FSIP2: variants seen among roughly 807,000 people sequenced by gnomAD.
The protein encoded by FSIP2 is fibrous sheath interacting protein 2.
Under a neutral mutation model 510.5 loss-of-function variants are expected in FSIP2, and 367 were observed. That is an observed-to-expected ratio of 0.72 (90% confidence interval 0.66 to 0.78). FSIP2 has a LOEUF of 0.78. FSIP2 is among the 30% of genes least tolerant of loss of function. The probability of loss-of-function intolerance (pLI) is 0.00; values close to 1 mark genes in which losing one functional copy is unlikely to be tolerated. For synonymous variants in FSIP2, 2,601 were observed against 2,732.2 expected (o/e 0.95, Z 1.50); for missense variants, 7,594 against 7,901.7 (o/e 0.96, Z 1.48).
chr2:185,755,400 C>A (rs921524127), intron 8 of FSIP2, among the ~76,000 whole-genome samples: 1 of 151,586 alleles, frequency 6.6e-6, no homozygotes, highest in Non-Finnish European at 1.5e-5. Flanking sequence ...ATTCCTACAT[C>A]TTCATTAACT....
intron 7 of FSIP2, among the ~76,000 whole-genome samples, chr2:185,750,328 A>C (rs1285293065): frequency 1.3e-5 from 2 of 151,610 alleles, no homozygotes; most frequent in Non-Finnish European, 3.0e-5. Flanking sequence ...CCTATTCAAA[A>C]CATTCTTTTT....
At chr2:185,826,969 G>C (rs1259522678) in intron 20 of FSIP2, among the ~76,000 whole-genome samples, 4 of 151,686 alleles carry the variant, frequency 2.6e-5, no homozygotes, top group Non-Finnish European at 1.5e-5. Flanking sequence ...AAAAATCTGG[G>C]CACCATAAAT....
Position 185,804,139 on chromosome 2 carries a change from T to A in FSIP2, c.14833T>A (p.Ser4945Thr). 1 of 1,513,812 alleles carries A rather than the reference T, an allele frequency of 6.6e-7. No homozygotes were observed. The highest frequency in any genetic ancestry group is 8.8e-7 in the Non-Finnish European group (1 of 1,137,608). 93.8% of individuals were successfully genotyped at this position (1,513,812 alleles called of 1,614,324 possible). ...AAGAGAATTATCTTTTATTGTGAAC[T>A]CATCTGTCTTTTTGGAGGAAGTAAT... Reference protein sequence around the residue: ...KQRELSFIVNSSVFLEEVISE... With the variant: ...KQRELSFIVNTSVFLEEVISE... Residue 4945 changes from serine (S) to threonine (T), a missense_variant, in exon 17 of 23, where the codon TCA (serine) becomes ACA (threonine). Transcript: ENST00000424728.
chr2:185,746,768 A>G lies in FSIP2; in HGVS notation c.717A>G (p.Glu239=), dbSNP rs182335822. 3.0e-4 allele frequency: 460 copies of G among 1,530,104 alleles called. 3 individuals carry two copies. In the African/African-American group the frequency reaches 5.9e-3, roughly 20 times the overall value. The allele number at this position is 1,530,104 out of a possible 1,614,324, so 94.8% of individuals were successfully genotyped here. ...ATAGAGAAGAAAGACGACAGCGGGAACACACAAGAAGAAAACTTACTCTTC... is the reference window on the plus strand; with the variant it reads ...ATAGAGAAGAAAGACGACAGCGGGAGCACACAAGAAGAAAACTTACTCTTC... ...LMDREERRQR[E]HTRRKLTLRR... The change falls in exon 6 of 23, where the codon GAA becomes GAG. Residue 239 remains glutamate (E), a synonymous_variant. Coordinates refer to ENST00000424728, the MANE Select transcript of FSIP2 (RefSeq NM_173651.4).
chr2:185,761,704 T>C (rs1692355534), intron 10 of FSIP2, among the ~76,000 whole-genome samples: 1 of 151,334 alleles, frequency 6.6e-6, no homozygotes, highest in East Asian at 1.9e-4. Flanking sequence ...TGTATTACCA[T>C]GCCTTTAGGC....
intron 5 of FSIP2, among the ~76,000 whole-genome samples, chr2:185,745,796 A>G (rs571990324): frequency 1.3e-5 from 2 of 152,258 alleles, no homozygotes; most frequent in Admixed American, 1.3e-4. Flanking sequence ...AAGAAAAATT[A>G]GATTCAAAAT....
chr2:185,804,130 AT>A lies in FSIP2; in HGVS notation c.14826del (p.Ile4942MetfsTer2). 6.6e-7 allele frequency: 1 copy of A among 1,519,732 alleles called. No homozygotes were observed. The highest frequency in any genetic ancestry group is 8.8e-7 in the Non-Finnish European group (1 of 1,140,362). 94.1% of individuals were successfully genotyped at this position (1,519,732 alleles called of 1,614,324 possible). ...TCCTAAACAAAGAGAATTATCTTTT[AT>A]TGTGAACTCATCTGTCTTTTTGGAG... ...IDPKQRELSF[I>X]VNSSVFLEEV... On this transcript the variant is annotated frameshift_variant, in exon 17 of 23. Coordinates refer to ENST00000424728, the MANE Select transcript of FSIP2 (RefSeq NM_173651.4). LOFTEE classifies it high-confidence loss of function.
Position 185,804,404 on chromosome 2 carries a change from T to C in FSIP2, c.15098T>C (p.Leu5033Ser). The C allele has an allele frequency of 6.6e-7, 1 of 1,506,362 alleles. No individual in the cohort carries two copies. Among genetic ancestry groups the C allele is most frequent in the Non-Finnish European group, 8.8e-7 (1 of 1,130,668 alleles). 93.3% of individuals were successfully genotyped at this position (1,506,362 alleles called of 1,614,324 possible). A position where few individuals can be genotyped will look rare whatever the true frequency, so the allele number is the denominator to read the frequency against. ...KIVNSVYGKV[L>S]DQYKSLIQIH... ...GTCAACTCAGTATATGGAAAAGTAT[T>C]AGATCAATATAAATCTCTGATTCAA... Residue 5033 changes from leucine to serine, a missense_variant, in exon 17 of 23, where the codon TTA (leucine) becomes TCA (serine). Coordinates refer to ENST00000424728, the MANE Select transcript of FSIP2 (RefSeq NM_173651.4).
intron 13 of FSIP2, among the ~76,000 whole-genome samples, chr2:185,778,546 T>A (rs189691409): frequency 1.3e-5 from 2 of 152,130 alleles, no homozygotes; most frequent in Non-Finnish European, 2.9e-5. Flanking sequence ...TTATTCTAAT[T>A]TTTACTTTAT....
chr2:185,753,985 C>A, intron 8 of FSIP2, 143 bp downstream of exon 8: 1 of 477,224 alleles, frequency 2.1e-6, no homozygotes, highest in Admixed American at 4.5e-5. Context: ...TAGTATAGTT[C>A]AAGTTGAAAA....
Position 185,804,090 on chromosome 2 carries a change from A to G in FSIP2, c.14784A>G (p.Lys4928=). 1 of 1,527,886 alleles carries G rather than the reference A, an allele frequency of 6.5e-7. No individual in the cohort carries two copies. Among genetic ancestry groups the G allele is most frequent in the Non-Finnish European group, 8.8e-7 (1 of 1,142,462 alleles). 94.6% of individuals were successfully genotyped at this position (1,527,886 alleles called of 1,614,324 possible). A position where few individuals can be genotyped will look rare whatever the true frequency, so the allele number is the denominator to read the frequency against. The change falls in exon 17 of 23, where the codon AAA becomes AAG. Residue 4928 remains lysine (K), a synonymous_variant. Transcript: ENST00000424728. ...LLLAAVDQTY[K]LKAIDPKQRE... Reference sequence around the variant, plus strand: ...TGGCAGCAGTTGATCAAACTTATAAATTGAAAGCAATAGATCCTAAACAAA... The same window carrying G: ...TGGCAGCAGTTGATCAAACTTATAAGTTGAAAGCAATAGATCCTAAACAAA...
Position 185,815,357 on chromosome 2 carries a change from T to G in FSIP2, c.20326-14T>G. ...AACTCCATTTAGTGTAATAGCTGAT[T>G]TGTCCTTTTCCAGAAAGAAGAAAAG... On this transcript the variant is annotated splice_polypyrimidine_tract_variant and intron_variant, in intron 18 of 22. Transcript: ENST00000424728. 8.5e-7 allele frequency: 1 copy of G among 1,169,868 alleles called. No individual in the cohort carries two copies. Among genetic ancestry groups the G allele is most frequent in the Non-Finnish European group, 1.3e-6 (1 of 791,512 alleles). The allele number at this position is 1,169,868 out of a possible 1,614,324, so 72.5% of individuals were successfully genotyped here. A position where few individuals can be genotyped will look rare whatever the true frequency, so the allele number is the denominator to read the frequency against.
rs1357944597 is a variant in FSIP2, at chr2:185,738,981, G to A, written c.87G>A (p.Gln29=). 6.5e-7 allele frequency: 1 copy of A among 1,533,422 alleles called. No homozygotes were observed. The highest frequency in any genetic ancestry group is 8.7e-7 in the Non-Finnish European group (1 of 1,146,528). The allele number at this position is 1,533,422 out of a possible 1,614,324, so 95.0% of individuals were successfully genotyped here. A position where few individuals can be genotyped will look rare whatever the true frequency, so the allele number is the denominator to read the frequency against. Residue 29 remains glutamine, a synonymous_variant, in exon 1 of 23, where the codon CAG becomes CAA. Coordinates refer to ENST00000424728, the MANE Select transcript of FSIP2 (RefSeq NM_173651.4). ...CCAGCGTCCTGGCCGCGGACACCCA[G>A]CAGTGCAGAGACGTGAGTGGCCGCA... is the stretch of plus-strand genomic sequence containing the variant. ...TVASVLAADT[Q]QCRDGVHKTH... is the part of the protein sequence containing the mutation.
chr2:185,740,187 C>T (rs564742608), intron 2 of FSIP2, among the ~76,000 whole-genome samples: 2 of 152,286 alleles, frequency 1.3e-5, no homozygotes, highest in African/African-American at 4.8e-5. Flanking sequence ...TTCTTCTCCC[C>T]AGTCTATGAA....
rs1388967477 is a variant in FSIP2 at position 185,746,673 on chromosome 2, T to G, written c.622T>G (p.Leu208Val). 18 of 1,508,570 alleles carry G rather than the reference T, an allele frequency of 1.2e-5. No individual in the cohort carries two copies. Among genetic ancestry groups the G allele is most frequent in the Non-Finnish European group, 1.6e-5 (18 of 1,136,076 alleles). 93.4% of individuals were successfully genotyped at this position (1,508,570 alleles called of 1,614,324 possible). A position where few individuals can be genotyped will look rare whatever the true frequency, so the allele number is the denominator to read the frequency against. ...AATATTTGCACTCTTACTCAGATAT[T>G]TGGATATGATAAGTAGAAAACTAGA... ...DQERLMRHRY[L>V]DMISRKLEQL... Residue 208 changes from leucine to valine, a missense_variant, in exon 6 of 23, where the codon TTG becomes GTG. By Grantham distance (32) the Leu-to-Val change is conservative. Coordinates refer to ENST00000424728, the MANE Select transcript of FSIP2 (RefSeq NM_173651.4).
chr2:185,815,374 GAAGAA>G lies in FSIP2; in HGVS notation c.20335_20339del (p.Lys6779SerfsTer4), dbSNP rs1693807781. 1 of 1,395,084 alleles carries G rather than the reference GAAGAA, an allele frequency of 7.2e-7. No individual in the cohort carries two copies. Among genetic ancestry groups the G allele is most frequent in the African/African-American group, 1.4e-5 (1 of 69,150 alleles). 86.4% of individuals were successfully genotyped at this position (1,395,084 alleles called of 1,614,324 possible). ...TAGCTGATTTGTCCTTTTCCAGAAA[GAAGAA>G]AAGAATCTTGTTACTGAACCAACAC... is the stretch of plus-strand genomic sequence containing the variant. On this transcript the variant is annotated frameshift_variant, in exon 19 of 23. Coordinates refer to ENST00000424728, the MANE Select transcript of FSIP2 (RefSeq NM_173651.4). LOFTEE classifies it high-confidence loss of function.
intron 14 of FSIP2, 120 bp downstream of exon 14, chr2:185,782,882 GA>G: frequency 1.5e-6 from 1 of 653,412 alleles, no homozygotes; most frequent in South Asian, 1.8e-5. Flanking sequence ...TGGATTTAGT[GA>G]AACTTAGTCT....
chr2:185,789,667 A>G lies in FSIP2; in HGVS notation c.2531A>G (p.His844Arg), dbSNP rs1172718206. The G allele has an allele frequency of 3.3e-5, 50 of 1,534,086 alleles. No homozygotes were observed. Among genetic ancestry groups the G allele is most frequent in the Non-Finnish European group, 4.4e-5 (50 of 1,145,670 alleles). Residue 844 changes from histidine (H) to arginine (R), a missense_variant, in exon 16 of 23, where the codon CAT becomes CGT. Physicochemically the swap from His to Arg is conservative, Grantham distance 29. Coordinates refer to ENST00000424728, the MANE Select transcript of FSIP2 (RefSeq NM_173651.4). ...TCTTTTAAGCAAAATGAATTTCTTC[A>G]TCTTAAAGACACAAATAAGCTTTCC... Reference protein sequence around the residue: ...LVSFKQNEFLHLKDTNKLSCQ... With the variant: ...LVSFKQNEFLRLKDTNKLSCQ...
chr2:185,759,600 ATAT>A (rs57572446), intron 9 of FSIP2, among the ~76,000 whole-genome samples: 78,274 of 144,406 alleles, frequency 0.54, 21,410 homozygotes, highest in South Asian at 0.64. Context: ...TATGATTACT[ATAT>A]TATTAATATA....
Sources: gnomAD v4.1 joint callset for allele counts (sites outside exome capture counted in the v4.1 genomes callset) on GRCh38, gnomAD v4.1.1 for gene constraint, MANE v1.5 for transcripts, NCBI Gene and HGNC (gene_info 2026-07-23, HGNC 2026-07-21) for gene names.